Variants in LMX1A observed in about 807,000 individuals in gnomAD.
The protein encoded by LMX1A is LIM homeobox transcription factor 1 alpha.
LMX1A carries 15 observed loss-of-function variants against 49.1 expected under a neutral mutation model. The ratio of observed to expected loss-of-function variants is 0.31; its 90% confidence interval spans 0.20 to 0.47. The LOEUF (loss-of-function observed/expected upper bound fraction) is 0.47, where lower values mean the gene tolerates loss of function less well. Among genes scored for constraint, LMX1A ranks in the 20% least tolerant of loss-of-function variants. The pLI, the probability that LMX1A is intolerant of heterozygous loss-of-function variation, is 1.00. For missense variants in LMX1A, 372 were observed against 475.8 expected, an observed-to-expected ratio of 0.78 and a Z score of 2.03; for synonymous variants, 167 against 185.7, an observed-to-expected ratio of 0.90 and a Z score of 0.82.
intron 3 of LMX1A, among the ~76,000 whole-genome samples, chr1:165,321,089 T>C (rs1655373265): frequency 6.6e-6 from 1 of 152,212 alleles, no homozygotes. Context: ...TGATACGTGC[T>C]ACACATGGAC....
intron 3 of LMX1A, among the ~76,000 whole-genome samples, chr1:165,318,999 T>TCTCTCTCACACA (rs1444303214): frequency 1.7e-5 from 2 of 117,752 alleles, no homozygotes; most frequent in African/African-American, 3.5e-5. Flanking sequence ...TCTCTCTCTC[T>TCTCTCTCACACA]CACACACACA....
intron 3 of LMX1A, among the ~76,000 whole-genome samples, chr1:165,326,975 T>G (rs572812073): frequency 1.2e-4 from 19 of 152,246 alleles, no homozygotes; most frequent in African/African-American, 4.3e-4. Flanking sequence ...ATCATATGGC[T>G]TACAATGGCA....
chr1:165,271,912 A>C (rs904346517), intron 3 of LMX1A, among the ~76,000 whole-genome samples: 2 of 152,200 alleles, frequency 1.3e-5, no homozygotes, highest in Admixed American at 1.3e-4. Context: ...CCTTACTTTA[A>C]GGCATCTCAG....
intron 3 of LMX1A, among the ~76,000 whole-genome samples, chr1:165,299,050 C>T (rs1184135558): frequency 6.6e-6 from 1 of 152,138 alleles, no homozygotes. Context: ...CTCAGAGAGG[C>T]TAAATAACTT....
intron 3 of LMX1A, among the ~76,000 whole-genome samples, chr1:165,262,410 C>T (rs985710719): frequency 2.6e-5 from 4 of 152,184 alleles, no homozygotes; most frequent in African/African-American, 9.7e-5. Context: ...AGAAAGAAGC[C>T]TGAATTCTTG....
chr1:165,239,531 G>A (rs1652571904), intron 4 of LMX1A, among the ~76,000 whole-genome samples: 1 of 152,120 alleles, frequency 6.6e-6, no homozygotes, highest in African/African-American at 2.4e-5. Flanking sequence ...GTTCAGCATA[G>A]AAAAGAAATG....
In LMX1A at chr1:165,212,863, A is replaced by G. The variant is rs542012558; in HGVS notation, c.669+778T>C. The G allele has an allele frequency of 2.0e-5, 3 of 152,364 alleles. No individual in the cohort carries two copies. The South Asian group carries it at 6.2e-4, about 32-fold the overall frequency. 9.4% of individuals were successfully genotyped at this position (152,364 alleles called of 1,614,324 possible). On this transcript the variant is annotated intron_variant, in intron 5 of 8. Transcript: ENST00000342310. ...GCAGGAAGTGTGGCCACAGGACTAC[A>G]TTCTGGCCAACACATATGAGGAGAA...
chr1:165,338,187 A>G (rs1655961286), intron 3 of LMX1A, among the ~76,000 whole-genome samples: 1 of 152,170 alleles, frequency 6.6e-6, no homozygotes, highest in East Asian at 1.9e-4. Flanking sequence ...AGTCAGGAAT[A>G]TGAGCTCCCT....
Position 165,259,326 on chromosome 1 carries a change from T to C in LMX1A, c.264-9686A>G, listed in dbSNP as rs1297828948. 3.3e-5 allele frequency among the ~76,000 whole-genome samples: 5 copies of C among 152,224 alleles called. No individual in the cohort carries two copies. In the South Asian group the frequency reaches 1.0e-3, roughly 32 times the overall value. On this transcript the variant is annotated intron_variant, in intron 3 of 8. Transcript: ENST00000342310. Reference sequence around the variant, plus strand: ...CCTAACCCAAGGTCAATATTGACACTGGCCACGAGTGTTGACCCACACACA... The same window carrying C: ...CCTAACCCAAGGTCAATATTGACACCGGCCACGAGTGTTGACCCACACACA...
chr1:165,262,533 C>T (rs560432660), intron 3 of LMX1A, among the ~76,000 whole-genome samples: 3 of 152,282 alleles, frequency 2.0e-5, no homozygotes, highest in Non-Finnish European at 4.4e-5. Context: ...TTATATGATG[C>T]CAAATGCAAT....
At chr1:165,296,434 G>A (rs1167070605) in intron 3 of LMX1A, among the ~76,000 whole-genome samples, 2 of 152,248 alleles carry the variant, frequency 1.3e-5, no homozygotes, top group African/African-American at 2.4e-5. Context: ...TCAAGGGAGA[G>A]GCACCATCAT....
rs12747984 is a variant in LMX1A, at chr1:165,249,296, A to G, written c.496+112T>C. 0.28 allele frequency: 194,441 copies of G among 695,976 alleles called. 30,271 individuals carry two copies. The highest frequency in any genetic ancestry group is 0.53 in the East Asian group (20,224 of 38,210). 43.1% of individuals were successfully genotyped at this position (695,976 alleles called of 1,614,324 possible). Reference sequence around the variant, plus strand: ...CTGAAATACACAGAACTGCCTTGCCATGGAGCTAGGCTGCCCTGGAGGCTG... The same window carrying G: ...CTGAAATACACAGAACTGCCTTGCCGTGGAGCTAGGCTGCCCTGGAGGCTG... On this transcript the variant is annotated intron_variant, in intron 4 of 8. Coordinates refer to ENST00000342310, the MANE Select transcript of LMX1A (RefSeq NM_177398.4).
At chr1:165,254,312 C>T (rs1653157094) in intron 3 of LMX1A, among the ~76,000 whole-genome samples, 1 of 152,184 alleles carries the variant, frequency 6.6e-6, no homozygotes, top group African/African-American at 2.4e-5. Flanking sequence ...ACCATGTTGA[C>T]TCAGGAGTCG....
In LMX1A at chr1:165,234,611, C is replaced by T. The variant is rs1249727371; in HGVS notation, c.496+14797G>A. ...GCTTTCAAAATGTTTGCTGAACTGG[C>T]CTCAATTTAATTTAGTTAACATCAA... is the stretch of plus-strand genomic sequence containing the variant. On this transcript the variant is annotated intron_variant, in intron 4 of 8. Transcript: ENST00000342310. Among the ~76,000 whole-genome samples, 4 of 152,050 alleles carry T rather than the reference C, an allele frequency of 2.6e-5. No individual in the cohort carries two copies. In the East Asian group the frequency reaches 5.8e-4, roughly 22 times the overall value.
intron 4 of LMX1A, chr1:165,218,920 C>G (rs1299295963): frequency 6.6e-6 from 1 of 152,228 alleles, no homozygotes; most frequent in African/African-American, 2.4e-5. Flanking sequence ...CAACAAATGT[C>G]AGCATCCCTG....
At chr1:165,332,824 C>T (rs1318897872) in intron 3 of LMX1A, among the ~76,000 whole-genome samples, 1 of 152,202 alleles carries the variant, frequency 6.6e-6, no homozygotes, top group Admixed American at 6.5e-5. Context: ...TGTCTCAGAG[C>T]TATTTGCATT....
At chr1:165,267,506 T>G (rs1028242806) in intron 3 of LMX1A, among the ~76,000 whole-genome samples, 3 of 152,224 alleles carry the variant, frequency 2.0e-5, no homozygotes, top group African/African-American at 7.2e-5. Context: ...TGTAGTTATC[T>G]GAATGCCTGT....
intron 3 of LMX1A, among the ~76,000 whole-genome samples, chr1:165,256,193 AGT>A (rs1452654701): frequency 2.0e-5 from 3 of 152,186 alleles, no homozygotes; most frequent in African/African-American, 7.2e-5. Context: ...GGATCGAAGC[AGT>A]ATTTCTTGTA....
At chr1:165,250,925 G>A (rs1010981817) in intron 3 of LMX1A, among the ~76,000 whole-genome samples, 1 of 152,152 alleles carries the variant, frequency 6.6e-6, no homozygotes, top group Non-Finnish European at 1.5e-5. Context: ...GTGAAGGCCT[G>A]GAGCCACGAA....
Sources: gnomAD v4.1 joint callset for allele counts (sites outside exome capture counted in the v4.1 genomes callset) on GRCh38, gnomAD v4.1.1 for gene constraint, MANE v1.5 for transcripts, NCBI Gene and HGNC (gene_info 2026-07-23, HGNC 2026-07-21) for gene names.